Variants in DHX9 observed in about 807,000 individuals in gnomAD.
The protein encoded by DHX9 is ATP-dependent RNA helicase A.
In DHX9, 27 loss-of-function variants were observed where a neutral mutation model predicts 148.7. The ratio of observed to expected loss-of-function variants is 0.18; its 90% CI spans 0.13 to 0.25. The LOEUF is 0.25. Among genes scored for constraint, DHX9 ranks in the 10% least tolerant of loss-of-function variants. The probability of loss-of-function intolerance (pLI) is 1.00; values close to 1 mark genes in which losing one functional copy is unlikely to be tolerated. For missense variants in DHX9, 796 were observed against 1,559.6 expected, an observed-to-expected ratio of 0.51 and a Z score of 8.25; for synonymous variants, 529 against 516.6, an observed-to-expected ratio of 1.02 and a Z score of -0.33.
At chr1:182,872,626 G>T (rs1648595309) in intron 15 of DHX9, 133 bp downstream of exon 15, 2 of 1,005,510 alleles carry the variant, frequency 2.0e-6, no homozygotes, top group Non-Finnish European at 2.9e-6. Flanking sequence ...ATGTATCATA[G>T]CATTTTTGAG....
At position 182,858,117 on chromosome 1, in the gene DHX9, A is replaced by C. The variant is rs781569227; in HGVS notation, c.687A>C (p.Arg229=). 16 of 1,611,392 alleles carry C rather than the reference A, an allele frequency of 9.9e-6. No homozygotes were observed. Among genetic ancestry groups the C allele is most frequent in the Non-Finnish European group, 1.3e-5 (15 of 1,179,442 alleles). Residue 229 remains arginine, a synonymous_variant, in exon 8 of 28, where the codon CGA becomes CGC. Coordinates refer to ENST00000367549, the MANE Select transcript of DHX9 (RefSeq NM_001357.5). ...IKQLGRRIFA[R]EHGSNKKLAA... ...CTTACATTATAGGGATTTTTGCACG[A>C]GAACATGGATCAAATAAGAAATTGG...
intron 18 of DHX9, 47 bp from the exon 19 acceptor site, chr1:182,876,783 T>C: frequency 7.0e-7 from 1 of 1,421,808 alleles, no homozygotes; most frequent in Non-Finnish European, 9.8e-7. Flanking sequence ...TCCTTTTAAG[T>C]AACTAATAAG....
In DHX9 at chr1:182,843,620, T is replaced by C. The variant is rs116221434; in HGVS notation, c.252+186T>C. 3.3e-3 allele frequency among the ~76,000 whole-genome samples: 500 copies of C among 152,338 alleles called. 2 individuals are homozygous for C. The highest frequency in any genetic ancestry group is 5.5e-3 in the Non-Finnish European group (375 of 68,032). On this transcript the variant is annotated intron_variant, in intron 3 of 27. Coordinates refer to ENST00000367549, the MANE Select transcript of DHX9 (RefSeq NM_001357.5). ...CTGAAGATGTGGATTGCATCCTTAT[T>C]ATATACCTGTCTTAGGGGCTTGAGA...
chr1:182,860,754 T>C (rs1199751255), intron 12 of DHX9, among the ~76,000 whole-genome samples: 1 of 152,226 alleles, frequency 6.6e-6, no homozygotes, highest in Non-Finnish European at 1.5e-5. Flanking sequence ...GATTCTTCCT[T>C]TTAACTAACA....
intron 3 of DHX9, among the ~76,000 whole-genome samples, chr1:182,846,237 C>CTTT (rs546727701): frequency 1.6e-4 from 22 of 138,792 alleles, no homozygotes; most frequent in African/African-American, 5.5e-4. Context: ...ACCAGATGTA[C>CTTT]TTTTTTTTTT....
chr1:182,866,295 A>G (rs1648294849), intron 12 of DHX9, 149 bp from the exon 13 acceptor site: 2 of 827,146 alleles, frequency 2.4e-6, no homozygotes, highest in Non-Finnish European at 3.6e-6. Context: ...TCTGCCGTAG[A>G]ACCAAATAGT....
chr1:182,863,481 A>G (rs1648089549), intron 12 of DHX9, among the ~76,000 whole-genome samples: 1 of 152,246 alleles, frequency 6.6e-6, no homozygotes, highest in Non-Finnish European at 1.5e-5. Context: ...TGAGTAATAT[A>G]GAATATGTAT....
chr1:182,856,966 C>T (rs1226611158), intron 7 of DHX9, among the ~76,000 whole-genome samples: 1 of 152,182 alleles, frequency 6.6e-6, no homozygotes, highest in Non-Finnish European at 1.5e-5. Flanking sequence ...TCTCCTGCCT[C>T]AGCCTCCCCA....
chr1:182,878,380 ATAT>A (rs1232666001), intron 20 of DHX9, among the ~76,000 whole-genome samples: 3 of 152,224 alleles, frequency 2.0e-5, no homozygotes, highest in African/African-American at 7.2e-5. Flanking sequence ...CTAGATTTTA[ATAT>A]TATTTGTGCC....
In DHX9 at chr1:182,859,130, T is replaced by A; in HGVS notation, c.1140+13T>A. 6.2e-7 allele frequency: 1 copy of A among 1,608,666 alleles called. No homozygotes were observed. The highest frequency in any genetic ancestry group is 8.5e-7 in the Non-Finnish European group (1 of 1,175,174). ...TGATTTGCAAGCAGTAAGTCTGAAT[T>A]ATTTAGACAAGTAGTGCTCAGAGCT... On this transcript the variant is annotated intron_variant, in intron 11 of 27. Transcript: ENST00000367549.
In DHX9 at chr1:182,842,763, A is replaced by T; in HGVS notation, c.111+86A>T. On this transcript the variant is annotated intron_variant, in intron 2 of 27. Coordinates refer to ENST00000367549, the MANE Select transcript of DHX9 (RefSeq NM_001357.5). ...AAAATGTTTTCTGTTTGGAGATGTTAATGTGTTGCACATTAGGAAACGACA... is the reference window on the plus strand; with the variant it reads ...AAAATGTTTTCTGTTTGGAGATGTTTATGTGTTGCACATTAGGAAACGACA... 8.8e-6 allele frequency: 9 copies of T among 1,027,808 alleles called. No individual in the cohort carries two copies. The South Asian group carries it at 1.4e-4, about 17-fold the overall frequency. The allele number at this position is 1,027,808 out of a possible 1,614,324, so 63.7% of individuals were successfully genotyped here.
At chr1:182,871,722 AT>A (rs1265906258) in intron 14 of DHX9, among the ~76,000 whole-genome samples, 2 of 152,250 alleles carry the variant, frequency 1.3e-5, no homozygotes, top group African/African-American at 4.8e-5. Context: ...GTGTGGATGA[AT>A]CTTAGCAATG....
chr1:182,870,435 A>AGTGAG (rs1246685338), intron 14 of DHX9, among the ~76,000 whole-genome samples: 2 of 152,242 alleles, frequency 1.3e-5, no homozygotes, highest in Non-Finnish European at 2.9e-5. Flanking sequence ...TAATCGAGAC[A>AGTGAG]GTGAGGTACA....
In DHX9 at chr1:182,879,941, C is replaced by T. The variant is rs931137405; in HGVS notation, c.2512+531C>T. ...GTTTCACCATGTTGGCCAGGCTCTTCTGAAACTCCCGACCTCAAGTGATCC... is the reference window on the plus strand; with the variant it reads ...GTTTCACCATGTTGGCCAGGCTCTTTTGAAACTCCCGACCTCAAGTGATCC... On this transcript the variant is annotated intron_variant, in intron 21 of 27. Transcript: ENST00000367549. 5.3e-5 allele frequency among the ~76,000 whole-genome samples: 8 copies of T among 152,272 alleles called. 1 individual carries two copies. Among genetic ancestry groups the T allele is most frequent in the Admixed American group, 3.9e-4 (6 of 15,298 alleles).
At chr1:182,843,482 C>A in intron 3 of DHX9, 48 bp downstream of exon 3, 1 of 1,473,462 alleles carries the variant, frequency 6.8e-7, no homozygotes, top group South Asian at 1.4e-5. Flanking sequence ...TAAAGTTGTA[C>A]AAACTCAATA....
At chr1:182,853,093 A>C (rs1668185198) in intron 4 of DHX9, among the ~76,000 whole-genome samples, 1 of 151,406 alleles carries the variant, frequency 6.6e-6, no homozygotes, top group South Asian at 2.1e-4. Context: ...TGCCCGGCTA[A>C]TTTTTGTATT....
At position 182,858,646 on chromosome 1, in the gene DHX9, C is replaced by G. The variant is rs889740524; in HGVS notation, c.900+6C>G. ...ATCTTGAGATTTTGCCCCCGGTAAG[C>G]ATAAAGCTGTTTAGTTCACATTTAC... is the stretch of plus-strand genomic sequence containing the variant. On this transcript the variant is annotated splice_donor_region_variant and intron_variant, in intron 9 of 27. Transcript: ENST00000367549. 6.2e-7 allele frequency: 1 copy of G among 1,609,620 alleles called. No individual in the cohort carries two copies.
chr1:182,876,801 T>A, intron 18 of DHX9, 29 bp from the exon 19 acceptor site: 1 of 1,532,502 alleles, frequency 6.5e-7, no homozygotes, highest in Non-Finnish European at 9.0e-7. Flanking sequence ...AAGAATATTT[T>A]CTGGAGTGTA....
intron 14 of DHX9, 84 bp from the exon 15 acceptor site, chr1:182,872,253 C>A: frequency 8.7e-7 from 1 of 1,153,032 alleles, no homozygotes; most frequent in Non-Finnish European, 1.2e-6. Flanking sequence ...TAATTGATGT[C>A]TTATGGCTGT....
Sources: allele counts gnomAD v4.1 joint callset (sites outside exome capture counted in the v4.1 genomes callset), GRCh38; gene constraint gnomAD v4.1.1; transcripts MANE v1.5; gene names NCBI Gene and HGNC (gene_info 2026-07-23, HGNC 2026-07-21).